Variants in SYT14 observed in about 807,000 individuals in gnomAD.
SYT14 encodes synaptotagmin 14, also known as synaptotagmin-14.
In SYT14, 32 loss-of-function variants were observed where a neutral mutation model predicts 74.2. The ratio of observed to expected loss-of-function variants is 0.43; its 90% confidence interval spans 0.33 to 0.58. SYT14 has a LOEUF of 0.58. Among genes scored for constraint, SYT14 ranks in the 20% least tolerant of loss-of-function variants. SYT14 has a pLI of 0.05. For missense variants in SYT14, 791 were observed against 981.8 expected (o/e 0.81, Z 2.60); for synonymous variants, 298 against 337.7 (o/e 0.88, Z 1.29).
At chr1:209,998,761 G>A (rs2079842331) in intron 2 of SYT14, among the ~76,000 whole-genome samples, 1 of 151,926 alleles carries the variant, frequency 6.6e-6, no homozygotes, top group Non-Finnish European at 1.5e-5. Flanking sequence ...AAATGAAACT[G>A]TACTCCTCTC....
chr1:210,126,029 C>A (rs752693376), intron 7 of SYT14, among the ~76,000 whole-genome samples: 1 of 151,934 alleles, frequency 6.6e-6, no homozygotes, highest in African/African-American at 2.4e-5. Context: ...ATGGTGAAAC[C>A]CCATCTCTAC....
At chr1:210,027,536 G>T (rs1230285186) in intron 5 of SYT14, among the ~76,000 whole-genome samples, 1 of 152,096 alleles carries the variant, frequency 6.6e-6, no homozygotes, top group Non-Finnish European at 1.5e-5. Flanking sequence ...GAAGAGGAGG[G>T]GTTGGTCTTG....
intron 7 of SYT14, among the ~76,000 whole-genome samples, chr1:210,118,679 A>C (rs928201505): frequency 3.3e-5 from 5 of 152,076 alleles, no homozygotes; most frequent in African/African-American, 1.2e-4. Context: ...ATGTTTCATC[A>C]TGTTGGCCAG....
intron 2 of SYT14, among the ~76,000 whole-genome samples, chr1:209,971,960 G>A (rs755946148): frequency 6.6e-6 from 1 of 152,062 alleles, no homozygotes; most frequent in Non-Finnish European, 1.5e-5. Flanking sequence ...AGTACGATTG[G>A]CACCAGTTCT....
chr1:210,136,192 A>G (rs921812783), intron 7 of SYT14, among the ~76,000 whole-genome samples: 2 of 152,156 alleles, frequency 1.3e-5, no homozygotes, highest in East Asian at 3.9e-4. Flanking sequence ...GAAGGAGAGA[A>G]TCCAGATGTC....
At chr1:209,942,968 T>C (rs2078760250) in intron 1 of SYT14, among the ~76,000 whole-genome samples, 1 of 152,190 alleles carries the variant, frequency 6.6e-6, no homozygotes, top group Non-Finnish European at 1.5e-5. Flanking sequence ...ATGTACCTTA[T>C]AGTTTGCTAC....
intron 2 of SYT14, among the ~76,000 whole-genome samples, chr1:209,967,034 T>A (rs1344140003): frequency 1.3e-5 from 2 of 152,172 alleles, no homozygotes; most frequent in Admixed American, 6.5e-5. Flanking sequence ...TTAGAAGGAG[T>A]GATTGTTGGA....
At chr1:210,038,555 T>G (rs1558146707) in intron 5 of SYT14, among the ~76,000 whole-genome samples, 1 of 152,104 alleles carries the variant, frequency 6.6e-6, no homozygotes, top group Non-Finnish European at 1.5e-5. Flanking sequence ...TGATGGTGAG[T>G]ATCAATCTTT....
intron 5 of SYT14, among the ~76,000 whole-genome samples, chr1:210,043,979 G>A (rs1288792952): frequency 6.6e-6 from 1 of 151,774 alleles, no homozygotes; most frequent in Admixed American, 6.6e-5. Context: ...TTCAGAAATC[G>A]TTTAAAATAT....
At chr1:209,938,329 G>T in intron 1 of SYT14, 52 bp downstream of exon 1, 2 of 1,530,074 alleles carry the variant, frequency 1.3e-6, no homozygotes, top group South Asian at 1.2e-5. Context: ...CCAGCTGGCG[G>T]GGGGCTCGGA....
intron 1 of SYT14, among the ~76,000 whole-genome samples, chr1:209,944,900 G>C (rs2078797975): frequency 6.6e-6 from 1 of 152,168 alleles, no homozygotes; most frequent in African/African-American, 2.4e-5. Flanking sequence ...CATCTCCAGA[G>C]CCTGAATTTC....
At chr1:210,039,776 A>G (rs1212319677) in intron 5 of SYT14, among the ~76,000 whole-genome samples, 2 of 152,236 alleles carry the variant, frequency 1.3e-5, no homozygotes, top group African/African-American at 2.4e-5. Flanking sequence ...AACATATGCA[A>G]AAAAGCTCAT....
intron 5 of SYT14, among the ~76,000 whole-genome samples, chr1:210,031,089 C>CTTTTTTTTTTTTT (rs35900057): frequency 1.9e-5 from 2 of 104,336 alleles, no homozygotes; most frequent in Non-Finnish European, 3.8e-5. Context: ...CCATGCCTGT[C>CTTTTTTTTTTTTT]TTTTTTTTTT....
At chr1:210,130,436 A>G (rs2082650859) in intron 7 of SYT14, among the ~76,000 whole-genome samples, 1 of 152,184 alleles carries the variant, frequency 6.6e-6, no homozygotes, top group African/African-American at 2.4e-5. Context: ...CTTTGGATTC[A>G]GTTTATTTAA....
At chr1:210,149,167 G>T (rs2083107154) in intron 7 of SYT14, among the ~76,000 whole-genome samples, 1 of 146,264 alleles carries the variant, frequency 6.8e-6, no homozygotes, top group Non-Finnish European at 1.5e-5. Context: ...CATAAATTTT[G>T]ATTATAGCAG....
chr1:210,170,731 A>T (rs751146286), exon 10 of SYT14: 1 of 152,176 alleles, frequency 6.6e-6, no homozygotes, highest in Non-Finnish European at 1.5e-5. Context: ...AATAATGTCA[A>T]TTACATAAGG....
chr1:209,957,897 A>G (rs543406228), intron 2 of SYT14, among the ~76,000 whole-genome samples: 18 of 152,090 alleles, frequency 1.2e-4, no homozygotes, highest in Non-Finnish European at 2.2e-4. Flanking sequence ...AATTTAGTCT[A>G]ACTTCTTAAT....
At chr1:210,100,160 C>G in exon 7 of SYT14, 1 of 1,614,048 alleles carries the variant, frequency 6.2e-7, no homozygotes, top group Non-Finnish European at 8.5e-7. Context: ...ACAGACATCC[C>G]AACATATAAC....
intron 7 of SYT14, among the ~76,000 whole-genome samples, chr1:210,117,307 C>G (rs2082380487): frequency 6.6e-6 from 1 of 151,924 alleles, no homozygotes; most frequent in Non-Finnish European, 1.5e-5. Flanking sequence ...AGATGTGTGT[C>G]CCTATAAGAA....
Sources: gnomAD v4.1 joint callset for allele counts (sites outside exome capture counted in the v4.1 genomes callset) on GRCh38, gnomAD v4.1.1 for gene constraint, MANE v1.5 for transcripts, NCBI Gene and HGNC (gene_info 2026-07-23, HGNC 2026-07-21) for gene names.